ZP3: variants seen among roughly 807,000 people sequenced by gnomAD.
ZP3 encodes zona pellucida sperm-binding protein 3.
A neutral mutation model predicts 35.6 loss-of-function variants in ZP3; 21 were observed. That is an observed-to-expected ratio of 0.59 (90% CI 0.42 to 0.85). ZP3 has a LOEUF of 0.85. Among genes scored for constraint, ZP3 ranks in the 40% least tolerant of loss-of-function variants. The probability of loss-of-function intolerance (pLI) is 0.00; values close to 1 mark genes in which losing one functional copy is unlikely to be tolerated. For synonymous variants in ZP3, 207 were observed against 214.5 expected (o/e 0.96, Z 0.31); for missense variants, 437 against 536.5 (o/e 0.81, Z 1.83).
intron 1 of ZP3, among the ~76,000 whole-genome samples, chr7:76,402,671 CTTTTTTG>C (rs1036126868): frequency 6.6e-6 from 1 of 151,668 alleles, no homozygotes; most frequent in African/African-American, 2.4e-5. Flanking sequence ...TTCTTTTTTT[CTTTTTTG>C]TTTTTCTTGA....
intron 1 of ZP3, among the ~76,000 whole-genome samples, chr7:76,398,327 T>TC (rs368360252): frequency 4.5e-4 from 62 of 137,062 alleles, no homozygotes; most frequent in Middle Eastern, 3.7e-3. Flanking sequence ...TTTTTTTTTT[T>TC]GAGACAGGGT....
At chr7:76,426,737 GCT>G (rs892944771) in intron 1 of ZP3, among the ~76,000 whole-genome samples, 1 of 151,706 alleles carries the variant, frequency 6.6e-6, no homozygotes, top group African/African-American at 2.4e-5. Context: ...AGACAGTTTT[GCT>G]CTTATTGCCC....
At chr7:76,398,898 G>T (rs531619682) in intron 1 of ZP3, 2 of 1,207,176 alleles carry the variant, frequency 1.7e-6, no homozygotes, top group Non-Finnish European at 1.2e-6. Context: ...GGTGCTTGCC[G>T]CCAGAGCCTC....
intron 4 of ZP3, 160 bp from the exon 5 acceptor site, chr7:76,433,878 T>C (rs1805912905): frequency 9.6e-7 from 1 of 1,045,920 alleles, no homozygotes. Context: ...TTTGTATTTT[T>C]AGTAGAGACA....
intron 1 of ZP3, among the ~76,000 whole-genome samples, chr7:76,419,947 G>A (rs546954333): frequency 2.0e-4 from 31 of 151,650 alleles, no homozygotes; most frequent in Non-Finnish European, 3.2e-4. Flanking sequence ...GATTACAGGC[G>A]CGCGACACCA....
intron 1 of ZP3, among the ~76,000 whole-genome samples, chr7:76,419,076 C>T (rs530841839): frequency 6.6e-6 from 1 of 152,124 alleles, no homozygotes; most frequent in South Asian, 2.1e-4. Context: ...CAAATAGTGC[C>T]TTCCTAGATG....
chr7:76,414,924 T>G (rs1015071817), intron 1 of ZP3, among the ~76,000 whole-genome samples: 9 of 140,614 alleles, frequency 6.4e-5, no homozygotes, highest in African/African-American at 2.4e-4. Context: ...AACTGAGAAA[T>G]TAACATTGGC....
chr7:76,408,725 G>A (rs1265334543), intron 1 of ZP3, among the ~76,000 whole-genome samples: 1 of 152,168 alleles, frequency 6.6e-6, no homozygotes, highest in Non-Finnish European at 1.5e-5. Context: ...GGCCCCTCCA[G>A]TCTGCTCCTG....
rs150678176 is a variant in ZP3, at chr7:76,403,302, T to C, written c.-67+5505T>C. Among the ~76,000 whole-genome samples the C allele has an allele frequency of 2.7e-3, 409 of 152,154 alleles. 3 individuals are homozygous for C. Among genetic ancestry groups the C allele is most frequent in the African/African-American group, 9.3e-3 (385 of 41,544 alleles). ...CCTTATAACCACCCCCTGCAGCCTGTACTTGTGTACGCATTTTACTGATGA... is the reference window on the plus strand; with the variant it reads ...CCTTATAACCACCCCCTGCAGCCTGCACTTGTGTACGCATTTTACTGATGA... On this transcript the variant is annotated intron_variant, in intron 1 of 8. Coordinates refer to the ZP3 transcript ENST00000336517.
At chr7:76,426,874 C>CCA (rs369991319) in intron 1 of ZP3, among the ~76,000 whole-genome samples, 2,713 of 126,744 alleles carry the variant, frequency 0.021, 75 homozygotes, top group African/African-American at 0.056. Flanking sequence ...CTACCAAACA[C>CCA]CACACACACA....
chr7:76,423,025 GAGAA>G (rs200948956), upstream of ZP3, among the ~76,000 whole-genome samples: 1,673 of 75,638 alleles, frequency 0.022, 52 homozygotes, highest in East Asian at 0.045. Flanking sequence ...GAGAGAGAGA[GAGAA>G]AGAAAGAAAG....
At chr7:76,425,763 G>C (rs1665529188) in intron 1 of ZP3, among the ~76,000 whole-genome samples, 2 of 152,118 alleles carry the variant, frequency 1.3e-5, no homozygotes, top group South Asian at 4.1e-4. Flanking sequence ...CCAGGAGTTT[G>C]AGGCCAGCCT....
At position 76,400,199 on chromosome 7, in the gene ZP3, T is replaced by C. The variant is rs894285577; in HGVS notation, c.-67+2402T>C. 11 of 1,358,110 alleles carry C rather than the reference T, an allele frequency of 8.1e-6. No individual in the cohort carries two copies. The South Asian group carries it at 2.2e-4, about 27-fold the overall frequency. The allele number at this position is 1,358,110 out of a possible 1,614,324, so 84.1% of individuals were successfully genotyped here. A position where few individuals can be genotyped will look rare whatever the true frequency, so the allele number is the denominator to read the frequency against. On this transcript the variant is annotated intron_variant, in intron 1 of 8. Transcript: ENST00000336517. Reference sequence around the variant, plus strand: ...CTGATCTGCATGGAACAGCCTTACCTGTGGGAAGTCCCTTCATTTATCTAG... The same window carrying C: ...CTGATCTGCATGGAACAGCCTTACCCGTGGGAAGTCCCTTCATTTATCTAG...
upstream of ZP3, among the ~76,000 whole-genome samples, chr7:76,423,003 A>G (rs1471480150): frequency 2.0e-5 from 1 of 50,754 alleles, no homozygotes; most frequent in Non-Finnish European, 3.5e-5. Context: ...TCTCAAAAGA[A>G]AGAAAGAGAG....
At chr7:76,423,044 A>G (rs1563695513), upstream of ZP3, among the ~76,000 whole-genome samples, 2 of 143,986 alleles carry the variant, frequency 1.4e-5, no homozygotes, top group South Asian at 2.3e-4. Flanking sequence ...AGAAAGAAAG[A>G]AAGAAAGAAA....
intron 1 of ZP3, among the ~76,000 whole-genome samples, chr7:76,399,076 A>G (rs1198828584): frequency 1.3e-5 from 2 of 151,972 alleles, no homozygotes; most frequent in Admixed American, 6.6e-5. Context: ...CAATGGTGCA[A>G]TCTCAGCTTG....
chr7:76,412,294 C>T (rs563294495), intron 1 of ZP3, among the ~76,000 whole-genome samples: 1 of 151,870 alleles, frequency 6.6e-6, no homozygotes, highest in East Asian at 1.9e-4. Flanking sequence ...AAAAGCTAGT[C>T]TTAAAGCTCA....
chr7:76,432,931 G>T lies in ZP3; in HGVS notation c.436G>T (p.Gly146Cys). The part of the protein sequence containing the change: ...IPIECRYPRQ[G>C]NVSSQAILPT... ...CAGCTGCTGTTCTTCTCTCAGGCAGGGCAATGTGAGCAGCCAGGCCATCCT... is the reference window on the plus strand; with the variant it reads ...CAGCTGCTGTTCTTCTCTCAGGCAGTGCAATGTGAGCAGCCAGGCCATCCT... The change falls in exon 3 of 8, where the codon GGC (glycine) becomes TGC (cysteine). Residue 146 changes from glycine (G) to cysteine (C), a missense_variant. By Grantham distance (159) the Gly-to-Cys change is radical (BLOSUM62 -3). Coordinates refer to ENST00000394857, the MANE Select transcript of ZP3 (RefSeq NM_001110354.2). 6.2e-7 allele frequency: 1 copy of T among 1,613,880 alleles called. No homozygotes were observed. The highest frequency in any genetic ancestry group is 8.5e-7 in the Non-Finnish European group (1 of 1,179,944).
At chr7:76,426,343 C>G (rs1049314014) in intron 1 of ZP3, among the ~76,000 whole-genome samples, 1 of 152,180 alleles carries the variant, frequency 6.6e-6, no homozygotes, top group African/African-American at 2.4e-5. Context: ...AAACCCTGAT[C>G]CCTGGACCAA....
Sources: allele counts gnomAD v4.1 joint callset (sites outside exome capture counted in the v4.1 genomes callset), GRCh38; gene constraint gnomAD v4.1.1; transcripts MANE v1.5; gene names NCBI Gene and HGNC (gene_info 2026-07-23, HGNC 2026-07-21).